LRP1B: variants seen among roughly 807,000 people sequenced by gnomAD.
The protein encoded by LRP1B is LDL receptor related protein 1B, also known as low-density lipoprotein receptor-related protein 1B.
LRP1B carries 217 observed loss-of-function variants against 556.6 expected under a neutral mutation model. The observed-to-expected ratio is 0.39, with a 90% CI of 0.35 to 0.44. The LOEUF is 0.44. LRP1B is among the 20% of genes least tolerant of loss of function. The pLI, the probability that LRP1B is intolerant of heterozygous loss-of-function variation, is 1.00. For synonymous variants in LRP1B, 2,047 were observed against 1,865.8 expected (o/e 1.10, Z -2.50); for missense variants, 5,053 against 5,620.8 (o/e 0.90, Z 3.23).
At chr2:140,629,856 T>A (rs1339498810) in intron 41 of LRP1B, among the ~76,000 whole-genome samples, 1 of 152,150 alleles carries the variant, frequency 6.6e-6, no homozygotes, top group African/African-American at 2.4e-5. Context: ...ATGACAAAAA[T>A]TCAATAAACT....
chr2:141,925,032 T>A (rs1339259306), intron 1 of LRP1B, among the ~76,000 whole-genome samples: 1 of 152,168 alleles, frequency 6.6e-6, no homozygotes, highest in Non-Finnish European at 1.5e-5. Flanking sequence ...ACAAACAGCA[T>A]ATGACAAGTC....
At position 140,586,170 on chromosome 2, in the gene LRP1B, C is replaced by G. The variant is rs574882247; in HGVS notation, c.7194+12461G>C. Among the ~76,000 whole-genome samples the G allele has an allele frequency of 5.9e-5, 9 of 152,082 alleles. No homozygotes were observed. In the South Asian group the frequency reaches 1.9e-3, roughly 32 times the overall value. ...AAAACTCTAGAAATTATACATAAAA[C>G]AAACATAAGGTGACTATAAAAGTAG... On this transcript the variant is annotated intron_variant, in intron 43 of 90. Transcript: ENST00000389484.
chr2:141,028,190 T>C (rs2105409350), intron 11 of LRP1B, among the ~76,000 whole-genome samples: 1 of 152,086 alleles, frequency 6.6e-6, no homozygotes, highest in East Asian at 1.9e-4. Context: ...TAGCATTACC[T>C]GTAAAAATTA....
chr2:141,891,652 GATAA>G (rs1273760645), intron 1 of LRP1B, among the ~76,000 whole-genome samples: 2 of 152,096 alleles, frequency 1.3e-5, no homozygotes, highest in African/African-American at 4.8e-5. Context: ...TATAAAGTAT[GATAA>G]ATAATGTTGA....
chr2:140,588,307 A>T (rs1682068743), intron 43 of LRP1B, among the ~76,000 whole-genome samples: 1 of 152,186 alleles, frequency 6.6e-6, no homozygotes. Flanking sequence ...CTAAAGAAAC[A>T]TAAAGGGATG....
chr2:141,255,242 A>G (rs1303397597), intron 3 of LRP1B, among the ~76,000 whole-genome samples: 1 of 152,072 alleles, frequency 6.6e-6, no homozygotes, highest in African/African-American at 2.4e-5. Context: ...AAGTGACAGG[A>G]GCACATTTAT....
intron 51 of LRP1B, among the ~76,000 whole-genome samples, chr2:140,511,462 C>T (rs1333333999): frequency 6.6e-6 from 1 of 152,044 alleles, no homozygotes; most frequent in East Asian, 1.9e-4. Flanking sequence ...CCTCCACGCC[C>T]GGCTAATTTT....
At chr2:140,906,946 A>T (rs1179401032) in intron 22 of LRP1B, among the ~76,000 whole-genome samples, 1 of 150,968 alleles carries the variant, frequency 6.6e-6, no homozygotes, top group Non-Finnish European at 1.5e-5. Flanking sequence ...ATCATGACTT[A>T]AAAAAAGACA....
intron 32 of LRP1B, among the ~76,000 whole-genome samples, chr2:140,793,445 C>T (rs985938156): frequency 6.6e-6 from 1 of 151,876 alleles, no homozygotes; most frequent in South Asian, 2.1e-4. Context: ...ACTATTCTGT[C>T]CTTATTATTA....
At chr2:140,874,948 G>A (rs766748515) in intron 25 of LRP1B, among the ~76,000 whole-genome samples, 1 of 151,642 alleles carries the variant, frequency 6.6e-6, no homozygotes, top group East Asian at 1.9e-4. Flanking sequence ...GAACCCAGGA[G>A]CAGAGGTTGC....
chr2:141,580,841 A>G (rs923794975), intron 2 of LRP1B, among the ~76,000 whole-genome samples: 7 of 152,204 alleles, frequency 4.6e-5, no homozygotes, highest in Admixed American at 3.9e-4. Context: ...TGCTCTCAAG[A>G]TCTCAATGAT....
At chr2:141,509,937 CTT>C (rs35777209) in intron 2 of LRP1B, among the ~76,000 whole-genome samples, 8,477 of 151,996 alleles carry the variant, frequency 0.056, 447 homozygotes, top group African/African-American at 0.13. Context: ...AATGGTATAA[CTT>C]AGGATCAGTT....
At chr2:140,621,862 C>T (rs1024925507) in intron 41 of LRP1B, among the ~76,000 whole-genome samples, 33 of 152,190 alleles carry the variant, frequency 2.2e-4, no homozygotes, top group African/African-American at 7.0e-4. Context: ...TACTGTCATG[C>T]TGATCTTCAT....
At chr2:141,119,865 T>C (rs1252018822) in intron 7 of LRP1B, among the ~76,000 whole-genome samples, 1 of 151,812 alleles carries the variant, frequency 6.6e-6, no homozygotes, top group East Asian at 1.9e-4. Flanking sequence ...AAGAAGGGTC[T>C]TTCATGTGAT....
At chr2:140,889,872 A>G (rs764863365) in intron 23 of LRP1B, among the ~76,000 whole-genome samples, 3 of 152,204 alleles carry the variant, frequency 2.0e-5, no homozygotes, top group Admixed American at 6.5e-5. Flanking sequence ...TTTGGCTATA[A>G]TAGACTTGAA....
chr2:141,378,527 A>T (rs954820791), intron 3 of LRP1B, among the ~76,000 whole-genome samples: 1 of 152,154 alleles, frequency 6.6e-6, no homozygotes, highest in South Asian at 2.1e-4. Context: ...TTATCTAGGC[A>T]TGGTAGCTCA....
chr2:140,744,370 C>A (rs1233601336), intron 35 of LRP1B, among the ~76,000 whole-genome samples: 14 of 152,058 alleles, frequency 9.2e-5, no homozygotes, highest in Non-Finnish European at 1.8e-4. Flanking sequence ...GTATTTTGAT[C>A]TGAAGGACAG....
At chr2:141,159,778 A>G (rs1420083308) in intron 7 of LRP1B, among the ~76,000 whole-genome samples, 5 of 152,196 alleles carry the variant, frequency 3.3e-5, no homozygotes, top group African/African-American at 1.2e-4. Context: ...TTTTGCTAGA[A>G]CAAAACAAAT....
chr2:141,834,545 T>C (rs778950616), intron 1 of LRP1B, among the ~76,000 whole-genome samples: 2 of 151,868 alleles, frequency 1.3e-5, no homozygotes, highest in Non-Finnish European at 2.9e-5. Flanking sequence ...GTAAATAAAA[T>C]TTCAGTTGGA....
Sources: gnomAD v4.1 joint callset for allele counts (sites outside exome capture counted in the v4.1 genomes callset) on GRCh38, gnomAD v4.1.1 for gene constraint, MANE v1.5 for transcripts, NCBI Gene and HGNC (gene_info 2026-07-23, HGNC 2026-07-21) for gene names.